The following HDAC9 variants were observed in gnomAD, a reference collection of about 807,000 sequenced individuals.
HDAC9 encodes the protein MEF-2 interacting transcription repressor (MITR) protein.
HDAC9 carries 41 observed loss-of-function variants against 139.4 expected under a neutral mutation model. The ratio of observed to expected loss-of-function variants is 0.29; its 90% CI spans 0.23 to 0.38. HDAC9 has a LOEUF of 0.38. Ranked by LOEUF, HDAC9 falls within the 10% of genes least tolerant of loss-of-function variation. HDAC9 has a pLI of 1.00. For synonymous variants in HDAC9, 517 were observed against 476.2 expected (o/e 1.09, Z -1.12); for missense variants, 1,147 against 1,297.0 (o/e 0.88, Z 1.78).
chr7:18,184,885 A>G (rs1172346865), intron 2 of HDAC9, among the ~76,000 whole-genome samples: 1 of 152,276 alleles, frequency 6.6e-6, no homozygotes, highest in East Asian at 1.9e-4. Context: ...TATGATTTAC[A>G]CCTAATCTCT....
At chr7:18,825,739 A>C (rs56349397) in intron 17 of HDAC9, among the ~76,000 whole-genome samples, 42,207 of 147,856 alleles carry the variant, frequency 0.29, 6,603 homozygotes, top group South Asian at 0.59. Context: ...TTTGTATGTA[A>C]TTATAAAAAT....
intron 1 of HDAC9, among the ~76,000 whole-genome samples, chr7:18,445,113 G>T (rs765086877): frequency 2.0e-5 from 3 of 152,010 alleles, no homozygotes; most frequent in Admixed American, 6.6e-5. Context: ...CCAAATAAAC[G>T]AAACAAGAAT....
intron 1 of HDAC9, among the ~76,000 whole-genome samples, chr7:18,316,750 G>C (rs1799674174): frequency 6.6e-6 from 1 of 151,940 alleles, no homozygotes; most frequent in African/African-American, 2.4e-5. Flanking sequence ...CCAGGAGTTG[G>C]AGGTTGTGGC....
intron 2 of HDAC9, among the ~76,000 whole-genome samples, chr7:18,185,814 G>A (rs1423241550): frequency 6.6e-6 from 1 of 152,136 alleles, no homozygotes; most frequent in Non-Finnish European, 1.5e-5. Flanking sequence ...AAAAAATCCA[G>A]CGATTATCTC....
intron 21 of HDAC9, among the ~76,000 whole-genome samples, chr7:18,874,164 T>C (rs16872139): frequency 0.022 from 3,346 of 151,926 alleles, 137 homozygotes; most frequent in African/African-American, 0.075. Flanking sequence ...CAGTTTTTTA[T>C]AGGCAGTGGG....
intron 23 of HDAC9, among the ~76,000 whole-genome samples, chr7:18,945,903 G>T (rs1782351824): frequency 6.6e-6 from 1 of 151,540 alleles, no homozygotes; most frequent in Non-Finnish European, 1.5e-5. Context: ...TGGGCGTGGT[G>T]GTGCGCACCT....
chr7:18,568,614 C>T lies in HDAC9; in HGVS notation c.23-16667C>T, dbSNP rs557224631. On this transcript the variant is annotated intron_variant, in intron 2 of 25. Transcript: ENST00000686413. ...CTTAGAACTTGTTTTATATGGTGTT[C>T]TCCTGTCATGTTCTATTTCCTAATT... is the stretch of plus-strand genomic sequence containing the variant. Among the ~76,000 whole-genome samples the T allele has an allele frequency of 2.2e-3, 341 of 152,250 alleles. 5 individuals carry two copies. In the South Asian group the frequency reaches 0.028, roughly 13 times the overall value.
intron 2 of HDAC9, among the ~76,000 whole-genome samples, chr7:18,263,256 T>A (rs570053020): frequency 6.0e-4 from 92 of 152,308 alleles, no homozygotes; most frequent in African/African-American, 1.9e-3. Context: ...AGATTTTTTT[T>A]AAATAATAAA....
chr7:18,298,709 G>A (rs1798316990), intron 1 of HDAC9, among the ~76,000 whole-genome samples: 1 of 152,054 alleles, frequency 6.6e-6, no homozygotes, highest in South Asian at 2.1e-4. Context: ...CTGTTCTTAA[G>A]TCAATTTTTA....
At chr7:18,877,463 C>T (rs892762091) in intron 22 of HDAC9, among the ~76,000 whole-genome samples, 1 of 152,152 alleles carries the variant, frequency 6.6e-6, no homozygotes, top group Non-Finnish European at 1.5e-5. Flanking sequence ...GAACAAGATA[C>T]ACAACCAAGT....
intron 1 of HDAC9, among the ~76,000 whole-genome samples, chr7:18,467,818 C>T (rs906342429): frequency 6.6e-6 from 1 of 152,120 alleles, no homozygotes; most frequent in Non-Finnish European, 1.5e-5. Flanking sequence ...TCTTCCTGTT[C>T]CGGTATTCCA....
At chr7:18,859,079 T>A (rs1797899222) in intron 21 of HDAC9, among the ~76,000 whole-genome samples, 1 of 152,172 alleles carries the variant, frequency 6.6e-6, no homozygotes, top group Non-Finnish European at 1.5e-5. Context: ...AGTTATTTGC[T>A]GAAACAACTT....
At chr7:18,837,881 T>C (rs544029864) in intron 21 of HDAC9, among the ~76,000 whole-genome samples, 4 of 152,204 alleles carry the variant, frequency 2.6e-5, no homozygotes, top group South Asian at 4.1e-4. Flanking sequence ...ATTCTCAGAA[T>C]GGCGCCTTCT....
intron 17 of HDAC9, among the ~76,000 whole-genome samples, chr7:18,798,961 T>C (rs1301658089): frequency 6.6e-6 from 1 of 151,930 alleles, no homozygotes; most frequent in East Asian, 1.9e-4. Flanking sequence ...AAACTGATTT[T>C]GAGGCTCTGT....
chr7:18,495,401 T>G (rs1796722371), upstream of HDAC9, among the ~76,000 whole-genome samples: 1 of 152,096 alleles, frequency 6.6e-6, no homozygotes, highest in African/African-American at 2.4e-5. Context: ...CCTCTTAGAA[T>G]TATGATTCTT....
chr7:18,434,376 A>G (rs1350182994), intron 1 of HDAC9, among the ~76,000 whole-genome samples: 1 of 152,246 alleles, frequency 6.6e-6, no homozygotes, highest in Non-Finnish European at 1.5e-5. Context: ...GTCGAAAGCA[A>G]TTGCAACAAA....
intron 13 of HDAC9, among the ~76,000 whole-genome samples, chr7:18,733,599 A>G (rs1786600458): frequency 6.6e-6 from 1 of 151,612 alleles, no homozygotes; most frequent in African/African-American, 2.4e-5. Flanking sequence ...TGTATCACAT[A>G]TCATAACATA....
intron 1 of HDAC9, among the ~76,000 whole-genome samples, chr7:18,318,950 C>G (rs1030296917): frequency 6.6e-6 from 1 of 152,128 alleles, no homozygotes; most frequent in African/African-American, 2.4e-5. Context: ...CAGATAGATC[C>G]AAGAAATGCA....
At chr7:18,726,687 TTTTATTAATAAATAAATAAATTC>T (rs2129128224) in intron 12 of HDAC9, among the ~76,000 whole-genome samples, 1 of 150,816 alleles carries the variant, frequency 6.6e-6, no homozygotes, top group South Asian at 2.1e-4. Context: ...TGATAAATAT[TTTTATTAATAAATAAATAAATTC>T]TTTATTAATA....
Sources: gnomAD v4.1 joint callset for allele counts (sites outside exome capture counted in the v4.1 genomes callset) on GRCh38, gnomAD v4.1.1 for gene constraint, MANE v1.5 for transcripts, NCBI Gene and HGNC (gene_info 2026-07-23, HGNC 2026-07-21) for gene names.